The following TSNAX variants were observed in gnomAD, a reference collection of about 807,000 sequenced individuals.
TSNAX encodes translin-associated protein X.
TSNAX carries 12 observed loss-of-function variants against 33.0 expected under a neutral mutation model. The ratio of observed to expected loss-of-function variants is 0.36; its 90% CI spans 0.23 to 0.59. TSNAX has a LOEUF of 0.59. TSNAX is among the 20% of genes least tolerant of loss of function. The pLI is 0.74. For missense variants in TSNAX, 267 were observed against 341.3 expected (o/e 0.78, Z 1.72); for synonymous variants, 110 against 117.2 (o/e 0.94, Z 0.40).
intron 3 of TSNAX, among the ~76,000 whole-genome samples, chr1:231,539,065 A>G (rs1659384552): frequency 6.6e-6 from 1 of 152,128 alleles, no homozygotes; most frequent in Admixed American, 6.5e-5. Flanking sequence ...GAAATATGGC[A>G]CTGTTAACAT....
chr1:231,563,591 A>C (rs1452212430), intron 5 of TSNAX: 1 of 154,648 alleles, frequency 6.5e-6, no homozygotes, highest in Non-Finnish European at 1.5e-5. Flanking sequence ...CTCAAACAAG[A>C]GGAGGGACAA....
chr1:231,553,575 T>G (rs1474659412), intron 4 of TSNAX, among the ~76,000 whole-genome samples: 2 of 152,216 alleles, frequency 1.3e-5, no homozygotes, highest in Non-Finnish European at 2.9e-5. Flanking sequence ...ATAACTTGTT[T>G]AAACATCCTC....
intron 4 of TSNAX, among the ~76,000 whole-genome samples, chr1:231,546,442 G>C (rs1202078220): frequency 6.6e-6 from 1 of 152,190 alleles, no homozygotes; most frequent in Non-Finnish European, 1.5e-5. Context: ...TACTATAGCA[G>C]TACAGAGAAA....
chr1:231,546,659 A>G (rs377428734), intron 4 of TSNAX, among the ~76,000 whole-genome samples: 1 of 152,268 alleles, frequency 6.6e-6, no homozygotes, highest in South Asian at 2.1e-4. Context: ...AGCTAAGTGC[A>G]GAAACAGATT....
chr1:231,535,765 A>G (rs1659124647), intron 2 of TSNAX: 1 of 152,222 alleles, frequency 6.6e-6, no homozygotes, highest in Non-Finnish European at 1.5e-5. Flanking sequence ...AGACAAATGT[A>G]TGAAAATTTT....
At chr1:231,537,080 C>T (rs1039438316) in intron 2 of TSNAX, 133 bp from the exon 3 acceptor site, 15 of 559,854 alleles carry the variant, frequency 2.7e-5, no homozygotes, top group African/African-American at 1.6e-4. Context: ...ATCCACCTAC[C>T]GTGGCCTCCC....
chr1:231,550,838 A>G (rs960408899), intron 4 of TSNAX, among the ~76,000 whole-genome samples: 2 of 152,176 alleles, frequency 1.3e-5, no homozygotes, highest in East Asian at 1.9e-4. Flanking sequence ...CAGTTGCCTG[A>G]TAACTGTCAT....
rs1425454766 is a variant in TSNAX at position 231,528,864 on chromosome 1, AG to A, written c.16+43del. On this transcript the variant is annotated intron_variant, in intron 1 of 5. Transcript: ENST00000366639. ...ACAACACGGGGCGTTATTTATCCGG[AG>A]GGGGAGGTTCTCCAGTCTTTCTATG... The A allele has an allele frequency of 1.9e-6, 3 of 1,613,664 alleles. No homozygotes were observed. In the Admixed American group the frequency reaches 5.0e-5, roughly 27 times the overall value.
intron 4 of TSNAX, 73 bp from the exon 5 acceptor site, chr1:231,561,055 T>C: frequency 6.8e-7 from 1 of 1,471,120 alleles, no homozygotes; most frequent in Non-Finnish European, 9.3e-7. Flanking sequence ...ATGATCAATA[T>C]GAAGTTTTTT....
intron 3 of TSNAX, among the ~76,000 whole-genome samples, chr1:231,538,931 CAAAAA>C (rs548749042): frequency 1.6e-5 from 1 of 62,188 alleles, no homozygotes; most frequent in Non-Finnish European, 3.5e-5. Flanking sequence ...GACCCTGTCT[CAAAAA>C]AAAAAAAAAA....
chr1:231,536,925 G>A lies in TSNAX; in HGVS notation c.122-288G>A, dbSNP rs750795405. 1.3e-4 allele frequency: 24 copies of A among 184,480 alleles called. No individual in the cohort carries two copies. Among genetic ancestry groups the A allele is most frequent in the Non-Finnish European group, 2.6e-4 (23 of 89,148 alleles). The allele number at this position is 184,480 out of a possible 1,614,324, so 11.4% of individuals were successfully genotyped here. On this transcript the variant is annotated intron_variant, in intron 2 of 5. Transcript: ENST00000366639. ...TCGACTCACTGCAACCTCTGCCTCC[G>A]GGGTTCAAGCGATTCTTCTGCCTCA...
rs538902373 is a variant in TSNAX at position 231,530,388 on chromosome 1, G to A, written c.121+1029G>A. ...AGCTGGCCGTAATTGAATAAAGAGC[G>A]TACTGATACAGAAGGTGGAGTTGCG... is the stretch of plus-strand genomic sequence containing the variant. On this transcript the variant is annotated intron_variant, in intron 2 of 5. Transcript: ENST00000366639. 6.7e-4 allele frequency among the ~76,000 whole-genome samples: 102 copies of A among 152,232 alleles called. 2 individuals carry two copies. Among genetic ancestry groups the A allele is most frequent in the African/African-American group, 2.3e-3 (97 of 41,540 alleles).
chr1:231,536,059 CCTGA>C (rs771137132), intron 2 of TSNAX: 1 of 152,178 alleles, frequency 6.6e-6, no homozygotes, highest in South Asian at 2.1e-4. Flanking sequence ...TTTCTAACAT[CCTGA>C]CTAACTCAAT....
chr1:231,559,438 C>T (rs930617858), intron 4 of TSNAX, among the ~76,000 whole-genome samples: 1 of 152,114 alleles, frequency 6.6e-6, no homozygotes, highest in South Asian at 2.1e-4. Flanking sequence ...ACGCCATTCT[C>T]CTGCCTCAGC....
intron 4 of TSNAX, among the ~76,000 whole-genome samples, chr1:231,559,136 A>AT (rs757770787): frequency 5.4e-4 from 82 of 152,076 alleles, no homozygotes; most frequent in South Asian, 1.0e-3. Flanking sequence ...GAGAACTTAA[A>AT]TATCCTCTTA....
At chr1:231,531,131 AT>A (rs548274817) in intron 2 of TSNAX, among the ~76,000 whole-genome samples, 1 of 151,620 alleles carries the variant, frequency 6.6e-6, no homozygotes. Context: ...ATTTTTTTAA[AT>A]TTTTTTGTAG....
chr1:231,549,811 T>A (rs1660180132), intron 4 of TSNAX, among the ~76,000 whole-genome samples: 1 of 152,180 alleles, frequency 6.6e-6, no homozygotes, highest in Non-Finnish European at 1.5e-5. Context: ...AAGCCAAAGG[T>A]GCACCGATTC....
intron 4 of TSNAX, among the ~76,000 whole-genome samples, chr1:231,555,725 G>A (rs61836866): frequency 0.065 from 9,929 of 152,190 alleles, 439 homozygotes; most frequent in Middle Eastern, 0.12. Flanking sequence ...GCAGTATTTG[G>A]CTTACAGAGA....
intron 3 of TSNAX, among the ~76,000 whole-genome samples, chr1:231,541,890 C>G (rs1659598499): frequency 2.0e-5 from 3 of 152,206 alleles, no homozygotes; most frequent in African/African-American, 7.2e-5. Context: ...CTGAAGCTCT[C>G]TGTTTATACA....
Sources: allele counts gnomAD v4.1 joint callset (sites outside exome capture counted in the v4.1 genomes callset), GRCh38; gene constraint gnomAD v4.1.1; transcripts MANE v1.5; gene names NCBI Gene and HGNC (gene_info 2026-07-23, HGNC 2026-07-21).